The following SAMD14 variants were observed in gnomAD, a reference collection of about 807,000 sequenced individuals.
SAMD14 encodes the protein sterile alpha motif domain-containing protein 14.
Under a neutral mutation model 46.2 loss-of-function variants are expected in SAMD14, and 27 were observed. The ratio of observed to expected loss-of-function variants is 0.58; its 90% CI spans 0.43 to 0.81. The LOEUF is 0.81. Among genes scored for constraint, SAMD14 ranks in the 30% least tolerant of loss-of-function variants. SAMD14 has a pLI of 0.00. For missense variants in SAMD14, 559 were observed against 582.2 expected (o/e 0.96, Z 0.41); for synonymous variants, 241 against 254.3 (o/e 0.95, Z 0.50).
intron 2 of SAMD14, among the ~76,000 whole-genome samples, chr17:50,120,874 C>A (rs553672736): frequency 5.3e-5 from 8 of 152,134 alleles, no homozygotes; most frequent in South Asian, 2.1e-4. Context: ...TTATAATAGC[C>A]CCCCCACTCC....
chr17:50,113,551 C>T (rs1910989002), intron 9 of SAMD14: 1 of 306,040 alleles, frequency 3.3e-6, no homozygotes, highest in Non-Finnish European at 6.2e-6. Context: ...ACTATTACCA[C>T]TAGCCTCTGA....
intron 1 of SAMD14, chr17:50,125,202 G>A: frequency 1.9e-6 from 1 of 520,314 alleles, no homozygotes; most frequent in Non-Finnish European, 3.5e-6. Flanking sequence ...GCAAAACCAA[G>A]GCACAGACAC....
At chr17:50,124,301 G>C (rs185775601) in intron 2 of SAMD14, 1 of 396,210 alleles carries the variant, frequency 2.5e-6, no homozygotes, top group Admixed American at 2.7e-5. Flanking sequence ...GGACGTGGGC[G>C]TGCAGGCCAG....
rs1450973832 is a variant in SAMD14, at chr17:50,129,035, G to T, written c.-13+482C>A. ...GGTCGGGGAGGCAGTTGTGGAGCCAGAGAGGTGGTCCCCCCTTCCCATATC... is the reference window on the plus strand; with the variant it reads ...GGTCGGGGAGGCAGTTGTGGAGCCATAGAGGTGGTCCCCCCTTCCCATATC... On this transcript the variant is annotated intron_variant, in intron 1 of 9. Transcript: ENST00000330175. The surrounding 1 kb of genome is among the most constrained non-coding windows in gnomAD (Gnocchi z 5.6). 1.3e-5 allele frequency among the ~76,000 whole-genome samples: 2 copies of T among 152,224 alleles called. No homozygotes were observed. The highest frequency in any genetic ancestry group is 4.8e-5 in the African/African-American group (2 of 41,454).
intron 2 of SAMD14, among the ~76,000 whole-genome samples, chr17:50,122,343 T>C (rs1355274118): frequency 2.0e-5 from 3 of 152,150 alleles, no homozygotes; most frequent in African/African-American, 7.2e-5. Flanking sequence ...TCAGGAAGTG[T>C]TGAAGCAAAG....
At chr17:50,123,222 G>A (rs761362325) in intron 2 of SAMD14, among the ~76,000 whole-genome samples, 2 of 152,234 alleles carry the variant, frequency 1.3e-5, no homozygotes, top group Non-Finnish European at 2.9e-5. Context: ...GCCGGTCAGG[G>A]TTACAGACAG....
At position 50,124,940 on chromosome 17, in the gene SAMD14, C is replaced by T. The variant is rs369747280; in HGVS notation, c.20G>A (p.Arg7Gln). The change falls in exon 2 of 10, where the codon CGA becomes CAA. Residue 7 changes from arginine (R) to glutamine (Q), a missense_variant. Physicochemically the swap from Arg to Gln is conservative, Grantham distance 43. Coordinates refer to ENST00000330175, the MANE Select transcript of SAMD14 (RefSeq NM_001257359.2). ...ACCAAAAACTTCATCCACGGGTTCTCGGAGCTTTGAAGAAGCCATGACTCA... is the reference window on the plus strand; with the variant it reads ...ACCAAAAACTTCATCCACGGGTTCTTGGAGCTTTGAAGAAGCCATGACTCA... MASSKL[R>Q]EPVDEVFDLD... 3.7e-6 allele frequency: 6 copies of T among 1,613,968 alleles called. No homozygotes were observed. Among genetic ancestry groups the T allele is most frequent in the African/African-American group, 2.7e-5 (2 of 74,968 alleles).
chr17:50,113,991 G>A lies in SAMD14; in HGVS notation c.1031C>T (p.Ala344Val). The A allele has an allele frequency of 1.2e-6, 2 of 1,613,754 alleles. No homozygotes were observed. The highest frequency in any genetic ancestry group is 8.5e-7 in the Non-Finnish European group (1 of 1,180,046). Reference protein sequence around the residue: ...WLQSLNLEQYAAEFAARQVDG... With the variant: ...WLQSLNLEQYVAEFAARQVDG... ...TACCTGCCGTGCAGCAAACTCAGCA[G>A]CATACTGTTCCAGGTTGAGGCTCTG... The change falls in exon 9 of 10, where the codon GCT (alanine) becomes GTT (valine). Residue 344 changes from alanine to valine, a missense_variant. By Grantham distance (64) the Ala-to-Val change is moderately conservative (BLOSUM62 0). Coordinates refer to ENST00000330175, the MANE Select transcript of SAMD14 (RefSeq NM_001257359.2).
In SAMD14 at chr17:50,115,761, G is replaced by A; in HGVS notation, c.663-38C>T. 6.2e-7 allele frequency: 1 copy of A among 1,613,360 alleles called. No homozygotes were observed. Among genetic ancestry groups the A allele is most frequent in the Non-Finnish European group, 8.5e-7 (1 of 1,179,802 alleles). On this transcript the variant is annotated intron_variant, in intron 6 of 9. Transcript: ENST00000330175. This position sits in a 1 kb window ranked among gnomAD's most constrained non-coding sequence, Gnocchi z 5.3. ...TGTCCAGCATGGGTGTGGGTACAGA[G>A]GGGAGGACCAGAGCACATGGGGAGC...
chr17:50,112,378 G>C lies in SAMD14; in HGVS notation c.*515C>G, dbSNP rs1322701459. ...CTGCAGCGCCCACTGGCCTCTTGGGGGAGCAGGACAGAGCTCTCCCACCAC... is the reference window on the plus strand; with the variant it reads ...CTGCAGCGCCCACTGGCCTCTTGGGCGAGCAGGACAGAGCTCTCCCACCAC... On this transcript the variant is annotated 3_prime_UTR_variant, in exon 10 of 10. Transcript: ENST00000330175. 2.0e-5 allele frequency: 3 copies of C among 152,422 alleles called. No homozygotes were observed. Among genetic ancestry groups the C allele is most frequent in the African/African-American group, 4.8e-5 (2 of 41,424 alleles). The allele number at this position is 152,422 out of a possible 1,614,324, so 9.4% of individuals were successfully genotyped here. A position where few individuals can be genotyped will look rare whatever the true frequency, so the allele number is the denominator to read the frequency against.
intron 4 of SAMD14, 129 bp downstream of exon 4, chr17:50,117,278 G>T (rs921036399): frequency 5.5e-6 from 5 of 915,952 alleles, no homozygotes; most frequent in Middle Eastern, 7.4e-4. Flanking sequence ...GAGCGGCGGC[G>T]TTTACTCTTC....
intron 4 of SAMD14, chr17:50,116,396 CCAA>C (rs1333798209): frequency 1.6e-4 from 35 of 215,626 alleles, no homozygotes; most frequent in Non-Finnish European, 2.5e-4. Context: ...TTTATCCTGG[CCAA>C]CTTTTTTTTT....
chr17:50,121,707 T>C (rs1402228604), intron 2 of SAMD14, among the ~76,000 whole-genome samples: 2 of 152,222 alleles, frequency 1.3e-5, no homozygotes, highest in South Asian at 2.1e-4. Flanking sequence ...AAGTCCATGC[T>C]ATTCAGCTCT....
intron 2 of SAMD14, among the ~76,000 whole-genome samples, chr17:50,118,558 A>G (rs1184201601): frequency 6.6e-6 from 1 of 152,180 alleles, no homozygotes; most frequent in Non-Finnish European, 1.5e-5. Context: ...CGTGTGATGA[A>G]CCCTCCTGTA....
chr17:50,128,919 C>T (rs1911905495), intron 1 of SAMD14, among the ~76,000 whole-genome samples: 3 of 151,934 alleles, frequency 2.0e-5, no homozygotes, highest in Non-Finnish European at 1.5e-5. Flanking sequence ...TTCGGGCAGG[C>T]GATAGGAAAG....
chr17:50,113,007 C>A lies in SAMD14; in HGVS notation c.1140G>T (p.Lys380Asn), dbSNP rs746274307. ...LSNSHDRALV[K>N]RKLKEMAAAA... ...CTGCTGCCATCTCCTTCAACTTGCG[C>A]TTCACCAGTGCCCGGTCATGAGAGT... is the stretch of plus-strand genomic sequence containing the variant. The change falls in exon 10 of 10, where the codon AAG (lysine) becomes AAT (asparagine). Residue 380 changes from lysine (K) to asparagine (N), a missense_variant. By Grantham distance (94) the Lys-to-Asn change is moderately conservative (BLOSUM62 0). Transcript: ENST00000330175. 5 of 1,612,470 alleles carry A rather than the reference C, an allele frequency of 3.1e-6. No individual in the cohort carries two copies. Among genetic ancestry groups the A allele is most frequent in the Non-Finnish European group, 3.4e-6 (4 of 1,179,998 alleles).
intron 4 of SAMD14, among the ~76,000 whole-genome samples, chr17:50,117,165 C>G (rs1911248836): frequency 6.6e-6 from 1 of 152,238 alleles, no homozygotes; most frequent in South Asian, 2.1e-4. Flanking sequence ...GATTGTTTCT[C>G]CACTAAACCA....
chr17:50,110,395 G>A lies in SAMD14; in HGVS notation c.*2498C>T, dbSNP rs529256915. The A allele has an allele frequency of 1.2e-5, 3 of 256,632 alleles. No individual in the cohort carries two copies. In the South Asian group the frequency reaches 3.8e-4, roughly 32 times the overall value. 15.9% of individuals were successfully genotyped at this position (256,632 alleles called of 1,614,324 possible). On this transcript the variant is annotated 3_prime_UTR_variant, in exon 10 of 10. Transcript: ENST00000330175. ...TTCCCATGGCAGTCCTCCTCTCTGA[G>A]ACCAGGGCTGTCACTTTTCTGCCAG...
At position 50,112,906 on chromosome 17, in the gene SAMD14, GCCT is replaced by G. The variant is rs764464344; in HGVS notation, c.1238_1240del (p.Glu413del). Reference sequence around the variant, plus strand: ...GTGCACCCTCCCCTAGCTCTTCTTGGCCTCCTGCTCTCGGCGCCGGAGCTTCTC... The same window carrying G: ...GTGCACCCTCCCCTAGCTCTTCTTGGCCTGCTCTCGGCGCCGGAGCTTCTC... On this transcript the variant is annotated inframe_deletion, in exon 10 of 10. Transcript: ENST00000330175. The G allele has an allele frequency of 6.2e-7, 1 of 1,605,562 alleles. No individual in the cohort carries two copies. Among genetic ancestry groups the G allele is most frequent in the Admixed American group, 1.7e-5 (1 of 59,962 alleles).
Sources: gnomAD v4.1 joint callset for allele counts (sites outside exome capture counted in the v4.1 genomes callset) on GRCh38, gnomAD v4.1.1 for gene constraint, Gnocchi (gnomAD v3.1) non-coding constraint, MANE v1.5 for transcripts, NCBI Gene and HGNC (gene_info 2026-07-23, HGNC 2026-07-21) for gene names.